Variants in NSMCE2 observed in about 807,000 individuals in gnomAD.
NSMCE2 encodes NSE2 SUMO ligase component of SMC5/6 complex.
Under a neutral mutation model 23.8 loss-of-function variants are expected in NSMCE2, and 24 were observed. The ratio of observed to expected loss-of-function variants is 1.01; its 90% confidence interval spans 0.73 to 1.42. The LOEUF (loss-of-function observed/expected upper bound fraction) is 1.42. NSMCE2 is among the 40% of genes most tolerant of loss of function. The pLI is 0.00. For synonymous variants in NSMCE2, 92 were observed against 94.1 expected (o/e 0.98, Z 0.13); for missense variants, 284 against 296.5 (o/e 0.96, Z 0.31).
At chr8:125,250,968 ATATGATCC>A (rs1826178277) in intron 5 of NSMCE2, among the ~76,000 whole-genome samples, 1 of 152,338 alleles carries the variant, frequency 6.6e-6, no homozygotes, top group Non-Finnish European at 1.5e-5. Context: ...AACATGCACA[ATATGATCC>A]TATTTTTATA....
intron 3 of NSMCE2, among the ~76,000 whole-genome samples, chr8:125,131,319 T>C (rs1819761253): frequency 6.6e-6 from 1 of 152,178 alleles, no homozygotes; most frequent in South Asian, 2.1e-4. Context: ...GGCAGCAGTG[T>C]TAAGGCTAAG....
Position 125,366,893 on chromosome 8 carries a change from C to G in NSMCE2, c.*8C>G, listed in dbSNP as rs1301543551. The G allele has an allele frequency of 6.7e-7, 1 of 1,503,500 alleles. No individual in the cohort carries two copies. Among genetic ancestry groups the G allele is most frequent in the Non-Finnish European group, 9.3e-7 (1 of 1,079,090 alleles). 93.1% of individuals were successfully genotyped at this position (1,503,500 alleles called of 1,614,324 possible). On this transcript the variant is annotated 3_prime_UTR_variant, in exon 8 of 8. Transcript: ENST00000287437. ...CATCGTCATTCCGAGTAGGAAAAGC[C>G]ACCTGCCTGCAGGGACACCAGCAGC...
intron 5 of NSMCE2, among the ~76,000 whole-genome samples, chr8:125,266,809 C>T (rs536147065): frequency 6.6e-5 from 10 of 152,076 alleles, no homozygotes; most frequent in Admixed American, 2.0e-4. Flanking sequence ...TAAAGGAAGT[C>T]GGAGGCAAGG....
intron 5 of NSMCE2, among the ~76,000 whole-genome samples, chr8:125,324,214 C>T (rs1015694393): frequency 1.3e-5 from 2 of 152,112 alleles, no homozygotes; most frequent in African/African-American, 4.8e-5. Context: ...TAGGCAGAAT[C>T]TGAGTCTCTT....
rs1346474417 is a variant in NSMCE2 at position 125,227,693 on chromosome 8, A to G, written c.418+45437A>G. Among the ~76,000 whole-genome samples, 6 of 152,234 alleles carry G rather than the reference A, an allele frequency of 3.9e-5. No homozygotes were observed. The East Asian group carries it at 1.2e-3, about 29-fold the overall frequency. On this transcript the variant is annotated intron_variant, in intron 5 of 7. Coordinates refer to ENST00000287437, the MANE Select transcript of NSMCE2 (RefSeq NM_173685.4). ...CTTTATATTCAATCTGTTTCGAATT[A>G]CTTTTCTGACTATAAAAATGTGTAT...
At chr8:125,336,223 C>T (rs996452850) in intron 5 of NSMCE2, among the ~76,000 whole-genome samples, 1 of 152,192 alleles carries the variant, frequency 6.6e-6, no homozygotes, top group African/African-American at 2.4e-5. Flanking sequence ...AAGAGAAGAC[C>T]TGTGAGCATT....
At position 125,170,376 on chromosome 8, in the gene NSMCE2, CTTTTTTTTTTTTTTTTT is replaced by C. The variant is rs565593006; in HGVS notation, c.265-11704_265-11688del. ...CATCAATAAACCTTACTCTTTATTTCTTTTTTTTTTTTTTTTTTTTTTTTTTTTTTTTTTTTTTTAAG... is the reference window on the plus strand; with the variant it reads ...CATCAATAAACCTTACTCTTTATTTCTTTTTTTTTTTTTTTTTTTTTTAAG... On this transcript the variant is annotated intron_variant, in intron 4 of 7. Transcript: ENST00000287437. 9.4e-3 allele frequency among the ~76,000 whole-genome samples: 355 copies of C among 37,862 alleles called. 9 individuals are homozygous for C. Among genetic ancestry groups the C allele is most frequent in the Admixed American group, 0.079 (179 of 2,262 alleles). The allele number at this position is 37,862 out of a possible 152,430, so 24.8% of individuals were successfully genotyped here.
chr8:125,289,546 G>T (rs1586725022), intron 5 of NSMCE2, among the ~76,000 whole-genome samples: 2 of 152,200 alleles, frequency 1.3e-5, no homozygotes, highest in African/African-American at 4.8e-5. Flanking sequence ...CTGTTTCCTT[G>T]TCTGTCTTCC....
intron 5 of NSMCE2, among the ~76,000 whole-genome samples, chr8:125,218,014 G>A (rs539322822): frequency 6.6e-6 from 1 of 152,198 alleles, no homozygotes; most frequent in African/African-American, 2.4e-5. Context: ...ACTGTCATAT[G>A]AGCCTCCTGA....
intron 3 of NSMCE2, among the ~76,000 whole-genome samples, chr8:125,104,610 G>A (rs1818367567): frequency 6.6e-6 from 1 of 152,146 alleles, no homozygotes; most frequent in South Asian, 2.1e-4. Flanking sequence ...TTAGGACTCA[G>A]CATCAGACTC....
intron 5 of NSMCE2, among the ~76,000 whole-genome samples, chr8:125,265,742 C>T (rs1169960442): frequency 1.3e-5 from 2 of 152,270 alleles, no homozygotes; most frequent in East Asian, 3.9e-4. Flanking sequence ...AAATCATATG[C>T]TCTTCTCATC....
At chr8:125,147,055 T>C (rs916301123) in intron 3 of NSMCE2, among the ~76,000 whole-genome samples, 4 of 152,198 alleles carry the variant, frequency 2.6e-5, no homozygotes, top group Non-Finnish European at 1.5e-5. Context: ...TGTTTTATCA[T>C]CTGCACTGAA....
chr8:125,270,526 T>C (rs112484702), intron 5 of NSMCE2: 12,176 of 152,152 alleles, frequency 0.08, 634 homozygotes, highest in South Asian at 0.19. Flanking sequence ...GGCAATGGCA[T>C]GTGTTGAATT....
At position 125,261,981 on chromosome 8, in the gene NSMCE2, C is replaced by G. The variant is rs566004370; in HGVS notation, c.418+79725C>G. ...GTGTGGTGGCGCACACCTGTCATCT[C>G]AATTACTCGGGAAGCTGAGACAGGA... On this transcript the variant is annotated intron_variant, in intron 5 of 7. Transcript: ENST00000287437. Among the ~76,000 whole-genome samples, 8 of 152,032 alleles carry G rather than the reference C, an allele frequency of 5.3e-5. No individual in the cohort carries two copies. In the South Asian group the frequency reaches 6.2e-4, roughly 12 times the overall value.
chr8:125,196,123 A>G (rs1291017964), intron 5 of NSMCE2, among the ~76,000 whole-genome samples: 1 of 149,892 alleles, frequency 6.7e-6, no homozygotes, highest in Non-Finnish European at 1.5e-5. Context: ...ACCTTATGTG[A>G]TCCTCCTGCC....
intron 3 of NSMCE2, among the ~76,000 whole-genome samples, chr8:125,108,655 A>G (rs1410278414): frequency 6.6e-6 from 1 of 152,220 alleles, no homozygotes; most frequent in African/African-American, 2.4e-5. Flanking sequence ...ACAACCAGCA[A>G]TTAGTAAAAT....
At chr8:125,294,845 G>A (rs1828260964) in intron 5 of NSMCE2, among the ~76,000 whole-genome samples, 1 of 152,198 alleles carries the variant, frequency 6.6e-6, no homozygotes, top group Non-Finnish European at 1.5e-5. Context: ...GACATTTACT[G>A]GATAATCCAG....
At chr8:125,301,191 C>T (rs1469405267) in intron 5 of NSMCE2, among the ~76,000 whole-genome samples, 1 of 152,162 alleles carries the variant, frequency 6.6e-6, no homozygotes, top group Non-Finnish European at 1.5e-5. Context: ...GCTAGAACCC[C>T]AGCAGCACAG....
intron 5 of NSMCE2, among the ~76,000 whole-genome samples, chr8:125,274,281 A>G (rs1189241523): frequency 6.6e-6 from 1 of 152,248 alleles, no homozygotes; most frequent in Non-Finnish European, 1.5e-5. Context: ...TTATTTACTA[A>G]ACATGAAGGG....
Sources: allele counts gnomAD v4.1 joint callset (sites outside exome capture counted in the v4.1 genomes callset), GRCh38; gene constraint gnomAD v4.1.1; transcripts MANE v1.5; gene names NCBI Gene and HGNC (gene_info 2026-07-23, HGNC 2026-07-21).